The following SRGAP3 variants were observed in gnomAD, a reference collection of about 807,000 sequenced individuals.
SRGAP3 encodes the protein SLIT-ROBO Rho GTPase-activating protein 3.
Under a neutral mutation model 121.1 loss-of-function variants are expected in SRGAP3, and 39 were observed. The ratio of observed to expected loss-of-function variants is 0.32; its 90% CI spans 0.25 to 0.42. The LOEUF (loss-of-function observed/expected upper bound fraction) is 0.42, where lower values mean the gene tolerates loss of function less well. Among genes scored for constraint, SRGAP3 ranks in the 10% least tolerant of loss-of-function variants. The pLI is 1.00. For synonymous variants in SRGAP3, 601 were observed against 570.0 expected, an observed-to-expected ratio of 1.05 and a Z score of -0.77; for missense variants, 1,213 against 1,470.6, an observed-to-expected ratio of 0.82 and a Z score of 2.86.
At chr3:9,038,768 C>T (rs1349663315) in intron 10 of SRGAP3, among the ~76,000 whole-genome samples, 2 of 152,222 alleles carry the variant, frequency 1.3e-5, no homozygotes, top group African/African-American at 4.8e-5. Context: ...GCCCTGGTTC[C>T]ATCCCCTCTG....
chr3:9,331,558 G>T (rs1354604993), intron 1 of SRGAP3, among the ~76,000 whole-genome samples: 10 of 152,148 alleles, frequency 6.6e-5, no homozygotes, highest in African/African-American at 2.2e-4. Context: ...TCGATAACTA[G>T]CCACATGGTA....
At position 9,053,129 on chromosome 3, in the gene SRGAP3, C is replaced by T. The variant is rs919580982; in HGVS notation, c.1221G>A (p.Ser407=). The T allele has an allele frequency of 1.2e-5, 19 of 1,614,060 alleles. No individual in the cohort carries two copies. The highest frequency in any genetic ancestry group is 5.3e-5 in the African/African-American group (4 of 74,924). Residue 407 remains serine, a synonymous_variant, in exon 9 of 22, where the codon TCG becomes TCA. Coordinates refer to ENST00000383836, the MANE Select transcript of SRGAP3 (RefSeq NM_014850.4). The part of the protein sequence containing the change: ...DVSDAFQHSR[S]TESVKSAASE... ...AGGCAGCCGACTTGACGGACTCTGT[C>T]GATCGACTGTGTTGGAAGGCATCGG...
chr3:9,236,847 T>C lies in SRGAP3; in HGVS notation c.67+12038A>G, dbSNP rs191221113. ...GTGTCTGAGATGGGGATGCAAAAAT[T>C]GGTGAAATATAGTTCCCATTCTTAT... On this transcript the variant is annotated intron_variant, in intron 1 of 21. Coordinates refer to ENST00000383836, the MANE Select transcript of SRGAP3 (RefSeq NM_014850.4). Among the ~76,000 whole-genome samples, 341 of 152,308 alleles carry C rather than the reference T, an allele frequency of 2.2e-3. 2 individuals are homozygous for C. The highest frequency in any genetic ancestry group is 8.0e-3 in the African/African-American group (334 of 41,576).
chr3:9,215,009 G>C (rs1311659220), intron 1 of SRGAP3, among the ~76,000 whole-genome samples: 1 of 152,202 alleles, frequency 6.6e-6, no homozygotes. Context: ...GGTGGCCTTT[G>C]AGGAAGGAGA....
rs34338068 is a variant in SRGAP3, at chr3:9,279,509, ATT to A, written n.442+46499_442+46500del. Among the ~76,000 whole-genome samples the A allele has an allele frequency of 3.0e-3, 353 of 117,910 alleles. 1 individual carries two copies. Among genetic ancestry groups the A allele is most frequent in the African/African-American group, 8.1e-3 (252 of 30,970 alleles). The allele number at this position is 117,910 out of a possible 152,430, so 77.4% of individuals were successfully genotyped here. ...AACGGGAAGCAAAACGAATACCCTG[ATT>A]TTTTTTTTTTTTTTTTTTTTGAGAT... On this transcript the variant is annotated intron_variant and non_coding_transcript_variant, in intron 3 of 3. Coordinates refer to the SRGAP3 transcript ENST00000490889.
chr3:9,134,736 C>T (rs982763912), intron 1 of SRGAP3, among the ~76,000 whole-genome samples: 3 of 152,168 alleles, frequency 2.0e-5, no homozygotes, highest in African/African-American at 7.2e-5. Context: ...TCTCAGTGGT[C>T]ATCTTTGTGC....
intron 1 of SRGAP3, among the ~76,000 whole-genome samples, chr3:9,245,995 G>A (rs949958459): frequency 1.4e-4 from 21 of 152,164 alleles, no homozygotes; most frequent in African/African-American, 5.1e-4. Context: ...GGCTTGGGAG[G>A]TAGTGAGTTC....
At chr3:9,274,916 T>C (rs1954543099) in intron 3 of SRGAP3, among the ~76,000 whole-genome samples, 1 of 151,680 alleles carries the variant, frequency 6.6e-6, no homozygotes, top group Admixed American at 6.6e-5. Flanking sequence ...CAGCTGAGCC[T>C]GGGGATTTTA....
intron 2 of SRGAP3, among the ~76,000 whole-genome samples, chr3:9,110,208 G>A (rs1948566778): frequency 6.6e-6 from 1 of 152,088 alleles, no homozygotes; most frequent in Admixed American, 6.5e-5. Flanking sequence ...AGCAAAAGAT[G>A]TCCAGGATGA....
intron 1 of SRGAP3, among the ~76,000 whole-genome samples, chr3:9,202,585 T>C (rs1952104841): frequency 6.6e-6 from 1 of 152,166 alleles, no homozygotes; most frequent in African/African-American, 2.4e-5. Context: ...GGCACAGACC[T>C]CCACATGGAA....
chr3:8,994,294 A>T, intron 19 of SRGAP3, 49 bp downstream of exon 19: 1 of 1,610,548 alleles, frequency 6.2e-7, no homozygotes, highest in Non-Finnish European at 8.5e-7. Context: ...CATCCCAGAC[A>T]TCACTAATCT....
chr3:9,060,183 AGCCCTGGTGTGG>A (rs762280483), intron 6 of SRGAP3, 36 bp downstream of exon 6: 33 of 1,613,254 alleles, frequency 2.0e-5, no homozygotes, highest in Non-Finnish European at 2.8e-5. Flanking sequence ...GACATGTGCC[AGCCCTGGTGTGG>A]GCCCTGCTCA....
At chr3:9,288,836 A>G (rs374338734) in intron 3 of SRGAP3, among the ~76,000 whole-genome samples, 17 of 152,242 alleles carry the variant, frequency 1.1e-4, no homozygotes, top group African/African-American at 4.1e-4. Context: ...TCAGCCTCCC[A>G]AAGTGCTGGG....
intron 8 of SRGAP3, among the ~76,000 whole-genome samples, chr3:9,055,287 A>G (rs905679538): frequency 1.3e-5 from 2 of 152,168 alleles, no homozygotes; most frequent in Non-Finnish European, 2.9e-5. Context: ...AGAACTCTTG[A>G]GATTTGAAGA....
At chr3:9,320,757 C>T (rs1955426486) in intron 3 of SRGAP3, among the ~76,000 whole-genome samples, 1 of 151,828 alleles carries the variant, frequency 6.6e-6, no homozygotes, top group Non-Finnish European at 1.5e-5. Flanking sequence ...GCCCTGGATC[C>T]AGTCATGACA....
At chr3:9,346,211 AGTG>A (rs1477245599) in intron 1 of SRGAP3, among the ~76,000 whole-genome samples, 4 of 151,940 alleles carry the variant, frequency 2.6e-5, no homozygotes, top group African/African-American at 9.6e-5. Flanking sequence ...AGTATGTTAA[AGTG>A]TAATGTTGTT....
Position 9,025,248 on chromosome 3 carries a change from G to C in SRGAP3, c.1678+13C>G. On this transcript the variant is annotated intron_variant, in intron 14 of 21. Coordinates refer to ENST00000383836, the MANE Select transcript of SRGAP3 (RefSeq NM_014850.4). ...CCCTGGCCACAAGCCTAAGATGGTC[G>C]CTCTGCACCCACCTCTCTCAAAGGA... 4 of 1,613,904 alleles carry C rather than the reference G, an allele frequency of 2.5e-6. No homozygotes were observed. Among genetic ancestry groups the C allele is most frequent in the Non-Finnish European group, 3.4e-6 (4 of 1,179,888 alleles).
At chr3:9,107,945 T>C (rs1474297335) in intron 2 of SRGAP3, among the ~76,000 whole-genome samples, 3 of 152,012 alleles carry the variant, frequency 2.0e-5, no homozygotes, top group Non-Finnish European at 2.9e-5. Flanking sequence ...GAAGGATGGG[T>C]AGGAGTTTTC....
chr3:9,326,651 A>G (rs1321546003), intron 2 of SRGAP3, among the ~76,000 whole-genome samples: 1 of 151,782 alleles, frequency 6.6e-6, no homozygotes, highest in Non-Finnish European at 1.5e-5. Flanking sequence ...CAGCAGTGAT[A>G]ACTACTGAGT....
Sources: gnomAD v4.1 joint callset for allele counts (sites outside exome capture counted in the v4.1 genomes callset) on GRCh38, gnomAD v4.1.1 for gene constraint, MANE v1.5 for transcripts, NCBI Gene and HGNC (gene_info 2026-07-23, HGNC 2026-07-21) for gene names.